ZC3H6: variants seen among roughly 807,000 people sequenced by gnomAD.
ZC3H6 encodes zinc finger CCCH-type containing 6.
ZC3H6 carries 40 observed loss-of-function variants against 107.7 expected under a neutral mutation model. That is an observed-to-expected ratio of 0.37 (90% CI 0.29 to 0.48). The LOEUF is 0.48. ZC3H6 is among the 20% of genes least tolerant of loss of function. ZC3H6 has a pLI of 0.98. For synonymous variants in ZC3H6, 493 were observed against 487.9 expected, an observed-to-expected ratio of 1.01 and a Z score of -0.14; for missense variants, 1,267 against 1,410.4, an observed-to-expected ratio of 0.90 and a Z score of 1.63.
At chr2:112,317,155 T>A in intron 6 of ZC3H6, 66 bp from the exon 7 acceptor site, 3 of 877,286 alleles carry the variant, frequency 3.4e-6, no homozygotes, top group Non-Finnish European at 5.0e-6. Context: ...ATTCAGCTGT[T>A]GTTTCTTTGT....
At chr2:112,324,007 C>T (rs765574227) in intron 9 of ZC3H6, 145 bp from the exon 10 acceptor site, 24 of 826,936 alleles carry the variant, frequency 2.9e-5, no homozygotes, top group African/African-American at 1.0e-4. Context: ...TACCTATCGA[C>T]GCTATGGAAC....
chr2:112,328,476 T>C (rs1676955679), intron 11 of ZC3H6, among the ~76,000 whole-genome samples: 1 of 152,236 alleles, frequency 6.6e-6, no homozygotes, highest in Admixed American at 6.5e-5. Context: ...ACATGGAATA[T>C]CTTTCCAATT....
chr2:112,296,819 C>G (rs1378794193), intron 1 of ZC3H6, among the ~76,000 whole-genome samples: 1 of 152,086 alleles, frequency 6.6e-6, no homozygotes, highest in Admixed American at 6.5e-5. Flanking sequence ...AGTCATACAC[C>G]CTGCTTTCAC....
At chr2:112,290,472 A>C (rs1346337000) in intron 1 of ZC3H6, among the ~76,000 whole-genome samples, 2 of 152,224 alleles carry the variant, frequency 1.3e-5, no homozygotes, top group African/African-American at 2.4e-5. Context: ...CCATTTACCT[A>C]CTTCGTATAC....
In ZC3H6 at chr2:112,310,029, C is replaced by G; in HGVS notation, c.481C>G (p.Gln161Glu). Residue 161 changes from glutamine (Q) to glutamate (E), a missense_variant, in exon 4 of 12, where the codon CAG (glutamine) becomes GAG (glutamate). Gln to Glu is a conservative substitution (Grantham distance 29, BLOSUM62 2). Transcript: ENST00000409871. ...YSDDNFGNYGQETEEDFANQL... is the reference protein window; with the variant it reads ...YSDDNFGNYGEETEEDFANQL... The stretch of plus-strand genomic sequence containing the variant: ...TGATGACAACTTTGGTAACTACGGT[C>G]AGGAAACAGAGGAAGATTTTGCCAA... 1 of 1,613,494 alleles carries G rather than the reference C, an allele frequency of 6.2e-7. No individual in the cohort carries two copies. The highest frequency in any genetic ancestry group is 8.5e-7 in the Non-Finnish European group (1 of 1,179,734).
chr2:112,296,963 G>A (rs1482102701), intron 1 of ZC3H6, among the ~76,000 whole-genome samples: 1 of 152,148 alleles, frequency 6.6e-6, no homozygotes, highest in Non-Finnish European at 1.5e-5. Flanking sequence ...TGTAGGAAAT[G>A]ACATCTAAAC....
chr2:112,296,091 C>T (rs1404935421), intron 1 of ZC3H6, among the ~76,000 whole-genome samples: 1 of 151,974 alleles, frequency 6.6e-6, no homozygotes, highest in Non-Finnish European at 1.5e-5. Flanking sequence ...AAATGTATAA[C>T]TTGATGGGTT....
At position 112,316,674 on chromosome 2, in the gene ZC3H6, T is replaced by C. The variant is rs1044834724; in HGVS notation, c.864+88T>C. ...TTTTGGGGGATGGTTAATTTTTTTC[T>C]CTTCTCATATAGTTGTAATAAAACT... On this transcript the variant is annotated intron_variant, in intron 6 of 11. Transcript: ENST00000409871. 69 of 764,600 alleles carry C rather than the reference T, an allele frequency of 9.0e-5. No homozygotes were observed. The Middle Eastern group carries it at 1.0e-3, about 11-fold the overall frequency. 47.4% of individuals were successfully genotyped at this position (764,600 alleles called of 1,614,324 possible). A position where few individuals can be genotyped will look rare whatever the true frequency, so the allele number is the denominator to read the frequency against.
chr2:112,277,832 A>G (rs925075459), intron 1 of ZC3H6, among the ~76,000 whole-genome samples: 12 of 152,040 alleles, frequency 7.9e-5, no homozygotes, highest in Non-Finnish European at 1.6e-4. Flanking sequence ...CAAAACAACT[A>G]CATCAAAAAC....
At chr2:112,326,615 T>C (rs1676910215) in intron 11 of ZC3H6, among the ~76,000 whole-genome samples, 1 of 152,130 alleles carries the variant, frequency 6.6e-6, no homozygotes, top group Non-Finnish European at 1.5e-5. Context: ...GTCTGTTTTT[T>C]GTTTTGTTTT....
intron 7 of ZC3H6, among the ~76,000 whole-genome samples, chr2:112,319,897 T>A (rs887747034): frequency 1.3e-5 from 2 of 152,118 alleles, no homozygotes; most frequent in Non-Finnish European, 2.9e-5. Flanking sequence ...TATGCTGGTA[T>A]GTATGTATGA....
At chr2:112,295,405 A>G (rs1443748633) in intron 1 of ZC3H6, among the ~76,000 whole-genome samples, 2 of 152,200 alleles carry the variant, frequency 1.3e-5, no homozygotes, top group Non-Finnish European at 2.9e-5. Context: ...AGAGAATGAT[A>G]AGAACTCTTA....
intron 1 of ZC3H6, among the ~76,000 whole-genome samples, chr2:112,285,867 AG>A (rs1198267281): frequency 6.6e-6 from 1 of 152,086 alleles, no homozygotes; most frequent in Non-Finnish European, 1.5e-5. Flanking sequence ...AGGCTGAGGC[AG>A]GAGAACTGCT....
chr2:112,303,537 A>T (rs554562654), intron 3 of ZC3H6, among the ~76,000 whole-genome samples, 186 bp downstream of exon 3: 1 of 152,214 alleles, frequency 6.6e-6, no homozygotes, highest in African/African-American at 2.4e-5. Context: ...AAGCAATAAC[A>T]TCTCGTTTTC....
At chr2:112,291,280 C>G (rs1369294327) in intron 1 of ZC3H6, among the ~76,000 whole-genome samples, 1 of 152,146 alleles carries the variant, frequency 6.6e-6, no homozygotes, top group Non-Finnish European at 1.5e-5. Context: ...GTCGGCCAGG[C>G]TGGAGTGCAG....
Position 112,322,699 on chromosome 2 carries a change from G to A in ZC3H6, c.1137G>A (p.Glu379=). The part of the protein sequence containing the change: ...ELINEDEREL[E]ELRKRGITPL... ...TAAATGAAGATGAAAGAGAATTAGAGGAACTTAGAAAGCGTGGCATAACTC... is the reference window on the plus strand; with the variant it reads ...TAAATGAAGATGAAAGAGAATTAGAAGAACTTAGAAAGCGTGGCATAACTC... Residue 379 remains glutamate, a synonymous_variant, in exon 9 of 12, where the codon GAG becomes GAA. Coordinates refer to ENST00000409871, the MANE Select transcript of ZC3H6 (RefSeq NM_198581.3). 1 of 1,612,556 alleles carries A rather than the reference G, an allele frequency of 6.2e-7. No individual in the cohort carries two copies. Among genetic ancestry groups the A allele is most frequent in the Non-Finnish European group, 8.5e-7 (1 of 1,179,532 alleles).
rs1280720806 is a variant in ZC3H6 at position 112,332,049 on chromosome 2, G to A, written c.3131G>A (p.Ser1044Asn). 7.4e-6 allele frequency: 12 copies of A among 1,614,004 alleles called. 1 individual carries two copies. The South Asian group carries it at 1.3e-4, about 18-fold the overall frequency. ...CTGGGAACTTCCACTTCAGTTCTTA[G>A]TGGTATTAGTTTGTATGACCCTAGG... ...LPLGTSTSVL[S>N]GISLYDPRDH... The change falls in exon 12 of 12, where the codon AGT (serine) becomes AAT (asparagine). Residue 1044 changes from serine (S) to asparagine (N), a missense_variant. Ser to Asn is a conservative substitution (Grantham distance 46). Around this residue, in one of 3 missense-constraint regions of ZC3H6, gnomAD observed 925 missense variants for 1,025.7 expected, o/e 0.90. Coordinates refer to ENST00000409871, the MANE Select transcript of ZC3H6 (RefSeq NM_198581.3).
intron 8 of ZC3H6, 67 bp downstream of exon 8, chr2:112,321,932 T>G: frequency 4.4e-6 from 3 of 687,380 alleles, no homozygotes; most frequent in Non-Finnish European, 7.0e-6. Context: ...TCATATTTTA[T>G]AAGTGATATT....
intron 1 of ZC3H6, among the ~76,000 whole-genome samples, chr2:112,295,986 GT>G (rs1676224410): frequency 6.6e-6 from 1 of 152,102 alleles, no homozygotes; most frequent in African/African-American, 2.4e-5. Flanking sequence ...GAGAGGCGCA[GT>G]AAAAGAAAGG....
Sources: allele counts gnomAD v4.1 joint callset (sites outside exome capture counted in the v4.1 genomes callset), GRCh38; gene constraint gnomAD v4.1.1; regional missense constraint gnomAD v4.1.1; transcripts MANE v1.5; gene names NCBI Gene and HGNC (gene_info 2026-07-23, HGNC 2026-07-21).